The following PRL variants were observed in gnomAD, a reference collection of about 807,000 sequenced individuals.
The protein encoded by PRL is prolactin.
PRL carries 24 observed loss-of-function variants against 21.3 expected under a neutral mutation model. The ratio of observed to expected loss-of-function variants is 1.13; its 90% CI spans 0.82 to 1.59. The LOEUF (loss-of-function observed/expected upper bound fraction) is 1.59. Ranked by LOEUF, PRL falls within the 40% of genes most tolerant of loss-of-function variation. PRL has a pLI of 0.00. For missense variants in PRL, 243 were observed against 286.9 expected (o/e 0.85, Z 1.10); for synonymous variants, 118 against 115.7 (o/e 1.02, Z -0.13).
chr6:22,295,986 T>C (rs1235235759), intron 1 of PRL, among the ~76,000 whole-genome samples: 1 of 152,246 alleles, frequency 6.6e-6, no homozygotes, highest in Non-Finnish European at 1.5e-5. Flanking sequence ...TTATAGACTT[T>C]TAATTTTTCA....
chr6:22,294,641 G>A (rs2113512152), intron 1 of PRL, 57 bp from the exon 2 acceptor site: 1 of 1,470,030 alleles, frequency 6.8e-7, no homozygotes, highest in Non-Finnish European at 9.0e-7. Flanking sequence ...GAGGTTTTCA[G>A]AAGTAATCCT....
chr6:22,292,788 G>A lies in PRL; in HGVS notation c.205-143C>T, dbSNP rs1257259002. The A allele has an allele frequency of 4.6e-6, 3 of 654,280 alleles. No individual in the cohort carries two copies. The African/African-American group carries it at 5.6e-5, about 12-fold the overall frequency. The allele number at this position is 654,280 out of a possible 1,614,324, so 40.5% of individuals were successfully genotyped here. On this transcript the variant is annotated intron_variant, in intron 2 of 4. Transcript: ENST00000306482. The stretch of plus-strand genomic sequence containing the variant: ...ATAAAAATGAAAACTAAAGAATTAA[G>A]AAAGTAACCCTTTCGCCTACTTCCC...
At chr6:22,301,241 ATC>A (rs1263443618), upstream of PRL, among the ~76,000 whole-genome samples, 1 of 152,172 alleles carries the variant, frequency 6.6e-6, no homozygotes, top group African/African-American at 2.4e-5. Context: ...TCTGTTAATC[ATC>A]TCTTATTGTT....
intron 4 of PRL, among the ~76,000 whole-genome samples, chr6:22,289,489 A>G (rs1761002203): frequency 6.6e-6 from 1 of 152,228 alleles, no homozygotes; most frequent in Non-Finnish European, 1.5e-5. Context: ...GAGATTAAGT[A>G]CAATGACATG....
At chr6:22,295,584 T>C (rs1029131976) in intron 1 of PRL, among the ~76,000 whole-genome samples, 1 of 152,152 alleles carries the variant, frequency 6.6e-6, no homozygotes, top group Non-Finnish European at 1.5e-5. Context: ...TACAAAACAC[T>C]CTGATCTTTG....
Position 22,294,398 on chromosome 6 carries a change from A to G in PRL, c.204+11T>C, listed in dbSNP as rs758860296. ...CTCCTTCAGGGAGGAAGCCAGAAGC[A>G]TGGTACTTACGAATTCGCTGAACAT... On this transcript the variant is annotated intron_variant, in intron 2 of 4. Coordinates refer to ENST00000306482, the MANE Select transcript of PRL (RefSeq NM_000948.6). 2 of 1,613,974 alleles carry G rather than the reference A, an allele frequency of 1.2e-6. No individual in the cohort carries two copies. The highest frequency in any genetic ancestry group is 1.3e-5 in the African/African-American group (1 of 74,928).
At position 22,292,571 on chromosome 6, in the gene PRL, G is replaced by A; in HGVS notation, c.279C>T (p.Thr93=). The change falls in exon 3 of 5, where the codon ACC becomes ACT. Residue 93 remains threonine (T), a synonymous_variant. Transcript: ENST00000306482. ...INSCHTSSLA[T]PEDKEQAQQM... ...GTTGGGCTTGCTCCTTGTCTTCGGG[G>A]GTGGCAAGGGAAGAAGTGTGGCAGC... The A allele has an allele frequency of 6.2e-7, 1 of 1,614,076 alleles. No homozygotes were observed. The highest frequency in any genetic ancestry group is 1.1e-5 in the South Asian group (1 of 91,066).
chr6:22,297,895 T>C (rs949984671), upstream of PRL, among the ~76,000 whole-genome samples: 1 of 152,218 alleles, frequency 6.6e-6, no homozygotes, highest in African/African-American at 2.4e-5. Flanking sequence ...TTGAGTTAAA[T>C]GAAGGAACAA....
In PRL at chr6:22,290,317, G is replaced by A. The variant is rs6238; in HGVS notation, c.349C>T (p.Arg117Ter). Reference protein sequence around the residue: ...DFLSLIVSILRSWNEPLYHLV... With the variant: ...DFLSLIVSIL Reference sequence around the variant, plus strand: ...TGATACAGAGGCTCATTCCAGGATCGCAATATGCTGACTATCAGGCTCAGA... The same window carrying A: ...TGATACAGAGGCTCATTCCAGGATCACAATATGCTGACTATCAGGCTCAGA... The change falls in exon 4 of 5, where the codon CGA becomes TGA. Residue 117 changes from arginine (R) to a stop codon, truncating the protein, a stop_gained. Coordinates refer to ENST00000306482, the MANE Select transcript of PRL (RefSeq NM_000948.6). LOFTEE classifies it high-confidence loss of function. The A allele has an allele frequency of 1.1e-5, 18 of 1,604,952 alleles. No individual in the cohort carries two copies. Among genetic ancestry groups the A allele is most frequent in the Admixed American group, 3.3e-5 (2 of 59,794 alleles).
At position 22,292,641 on chromosome 6, in the gene PRL, T is replaced by A; in HGVS notation, c.209A>T (p.Lys70Ile). The change falls in exon 3 of 5, where the codon AAA becomes ATA. Residue 70 changes from lysine (K) to isoleucine (I), a missense_variant. Lys to Ile is a moderately radical substitution (Grantham distance 102). Transcript: ENST00000306482. ...LSSEMFSEFDKRYTHGRGFIT... is the reference protein window; with the variant it reads ...LSSEMFSEFDIRYTHGRGFIT... ...GAACCCCCGGCCATGGGTATACCGTTTATCCTGGAAATGATGAGACAAATT... is the reference window on the plus strand; with the variant it reads ...GAACCCCCGGCCATGGGTATACCGTATATCCTGGAAATGATGAGACAAATT... 1 of 1,612,668 alleles carries A rather than the reference T, an allele frequency of 6.2e-7. No individual in the cohort carries two copies. Among genetic ancestry groups the A allele is most frequent in the South Asian group, 1.1e-5 (1 of 90,888 alleles).
intron 4 of PRL, among the ~76,000 whole-genome samples, chr6:22,289,552 T>A (rs1761003669): frequency 6.6e-6 from 1 of 152,188 alleles, no homozygotes; most frequent in African/African-American, 2.4e-5. Context: ...GAGACAACTT[T>A]CTATAAATTA....
chr6:22,298,590 T>A (rs970695728), upstream of PRL, among the ~76,000 whole-genome samples: 1 of 152,194 alleles, frequency 6.6e-6, no homozygotes, highest in African/African-American at 2.4e-5. Flanking sequence ...TTGCCTTAGT[T>A]TAAGGCAATC....
chr6:22,288,907 C>CGT lies in PRL; in HGVS notation c.492+1266_492+1267insAC, dbSNP rs1561753121. On this transcript the variant is annotated intron_variant, in intron 4 of 4. Coordinates refer to ENST00000306482, the MANE Select transcript of PRL (RefSeq NM_000948.6). This position sits in a 1 kb window ranked among gnomAD's most constrained non-coding sequence, Gnocchi z 4.5. ...GCGCGTGTGTGTGCGTGTGTGCGCG[C>CGT]GCGTGTGTGTGCGTGCGCGTGTGTG... Among the ~76,000 whole-genome samples, 5 of 148,250 alleles carry CGT rather than the reference C, an allele frequency of 3.4e-5. No individual in the cohort carries two copies. The highest frequency in any genetic ancestry group is 5.9e-5 in the Non-Finnish European group (4 of 67,564).
At chr6:22,299,824 G>A (rs1761250803), upstream of PRL, among the ~76,000 whole-genome samples, 1 of 152,086 alleles carries the variant, frequency 6.6e-6, no homozygotes, top group Non-Finnish European at 1.5e-5. Flanking sequence ...GGGTGACAGA[G>A]GGAGACTCCA....
At chr6:22,302,747 G>C (rs1284033134) in intron 1 of PRL, among the ~76,000 whole-genome samples, 1 of 152,076 alleles carries the variant, frequency 6.6e-6, no homozygotes, top group Non-Finnish European at 1.5e-5. Context: ...TTAATAAACT[G>C]TAGGGAACTT....
At chr6:22,293,639 G>GAGGGAAGGAAGGAAAA (rs1761104579) in intron 2 of PRL, among the ~76,000 whole-genome samples, 28 of 28,562 alleles carry the variant, frequency 9.8e-4, no homozygotes, top group South Asian at 8.1e-3. Context: ...AGGAAGGAAG[G>GAGGGAAGGAAGGAAAA]AAGGAAGGAA....
chr6:22,298,471 T>C (rs1377758951), upstream of PRL, among the ~76,000 whole-genome samples: 1 of 152,210 alleles, frequency 6.6e-6, no homozygotes, highest in African/African-American at 2.4e-5. Context: ...TACTTTTTCC[T>C]TAGTTCCTAG....
upstream of PRL, among the ~76,000 whole-genome samples, chr6:22,300,171 T>C (rs1241538275): frequency 6.6e-6 from 1 of 152,170 alleles, no homozygotes; most frequent in East Asian, 1.9e-4. Context: ...TTTTTTTGAA[T>C]GGCACTATTT....
chr6:22,293,643 G>GAAAA (rs1464213353), intron 2 of PRL, among the ~76,000 whole-genome samples: 15,264 of 34,184 alleles, frequency 0.45, 2,777 homozygotes, highest in Non-Finnish European at 0.54. Context: ...AGGAAGGAAG[G>GAAAA]AAGGAAGGAA....
Sources: allele counts gnomAD v4.1 joint callset (sites outside exome capture counted in the v4.1 genomes callset), GRCh38; gene constraint gnomAD v4.1.1; non-coding constraint Gnocchi (gnomAD v3.1); transcripts MANE v1.5; gene names NCBI Gene and HGNC (gene_info 2026-07-23, HGNC 2026-07-21).